The following SIK3 variants were observed in gnomAD, a reference collection of about 807,000 sequenced individuals.
SIK3 encodes the protein SIK family kinase 3, also known as serine/threonine-protein kinase SIK3.
Under a neutral mutation model 144.2 loss-of-function variants are expected in SIK3, and 28 were observed. The observed-to-expected ratio is 0.19, with a 90% confidence interval of 0.14 to 0.27. SIK3 has a LOEUF of 0.27. Among genes scored for constraint, SIK3 ranks in the 10% least tolerant of loss-of-function variants. SIK3 has a pLI of 1.00. For synonymous variants in SIK3, 686 were observed against 676.3 expected (o/e 1.01, Z -0.22); for missense variants, 1,319 against 1,776.0 (o/e 0.74, Z 4.62).
chr11:117,022,410 CATATAATTAAAAA>C (rs1459294304), intron 1 of SIK3, among the ~76,000 whole-genome samples: 2 of 151,976 alleles, frequency 1.3e-5, no homozygotes, highest in African/African-American at 4.8e-5. Flanking sequence ...GGGTAAACCC[CATATAATTAAAAA>C]AAGACAAAAA....
At chr11:116,918,907 G>C (rs1946810514) in intron 4 of SIK3, among the ~76,000 whole-genome samples, 1 of 152,170 alleles carries the variant, frequency 6.6e-6, no homozygotes, top group South Asian at 2.1e-4. Context: ...GTGCAGGAAG[G>C]TTATTTAGAG....
At chr11:116,962,224 A>G (rs1204762621) in intron 1 of SIK3, among the ~76,000 whole-genome samples, 3 of 152,220 alleles carry the variant, frequency 2.0e-5, no homozygotes, top group African/African-American at 7.2e-5. Flanking sequence ...AATGCCCTAT[A>G]GCAGATAGTA....
At chr11:116,923,873 CAGAAA>C (rs896434680) in intron 4 of SIK3, among the ~76,000 whole-genome samples, 3 of 152,202 alleles carry the variant, frequency 2.0e-5, no homozygotes, top group Admixed American at 1.3e-4. Context: ...ACAACAACAA[CAGAAA>C]AGTCTTTAAA....
chr11:116,850,415 A>G (rs1339924620), intron 21 of SIK3, among the ~76,000 whole-genome samples: 2 of 152,298 alleles, frequency 1.3e-5, no homozygotes, highest in South Asian at 4.1e-4. Flanking sequence ...CAAATAACTG[A>G]TTCTTCTGCC....
At chr11:117,082,345 T>C (rs976413450) in intron 1 of SIK3, among the ~76,000 whole-genome samples, 4 of 148,348 alleles carry the variant, frequency 2.7e-5, no homozygotes, top group Admixed American at 2.7e-4. Flanking sequence ...TTCAAGACCA[T>C]ATTATTCATA....
chr11:117,030,022 G>A (rs986534742), intron 1 of SIK3, among the ~76,000 whole-genome samples: 2 of 152,028 alleles, frequency 1.3e-5, no homozygotes, highest in South Asian at 2.1e-4. Context: ...GGAGTAAAGA[G>A]AAACAATTTT....
rs1312203288 is a variant in SIK3 at position 116,849,801 on chromosome 11, T to C, written c.3656-518A>G. ...GCAAGTACTCTCCACATTTTTGTCC[T>C]TGACCTTCTCTCTCCCCACACTTAC... is the stretch of plus-strand genomic sequence containing the variant. On this transcript the variant is annotated intron_variant, in intron 21 of 24. Transcript: ENST00000445177. This position sits in a 1 kb window ranked among gnomAD's most constrained non-coding sequence, Gnocchi z 4.2. Among the ~76,000 whole-genome samples, 2 of 152,158 alleles carry C rather than the reference T, an allele frequency of 1.3e-5. No individual in the cohort carries two copies. Among genetic ancestry groups the C allele is most frequent in the East Asian group, 3.8e-4 (2 of 5,198 alleles).
chr11:116,898,107 A>G (rs903096360), intron 4 of SIK3, among the ~76,000 whole-genome samples: 1 of 151,738 alleles, frequency 6.6e-6, no homozygotes, highest in Non-Finnish European at 1.5e-5. Context: ...TATATCTCCC[A>G]ATGCTATCCC....
intron 3 of SIK3, among the ~76,000 whole-genome samples, chr11:116,930,208 G>A (rs1054018436): frequency 2.0e-5 from 3 of 151,840 alleles, no homozygotes; most frequent in Admixed American, 1.3e-4. Context: ...TGGCTCAATC[G>A]CATTCAGACC....
At chr11:116,886,307 C>G (rs1490887586) in intron 6 of SIK3, among the ~76,000 whole-genome samples, 2 of 152,206 alleles carry the variant, frequency 1.3e-5, no homozygotes, top group Non-Finnish European at 2.9e-5. Context: ...TTTGAGGACT[C>G]TGAGCCCCTC....
chr11:116,910,033 T>C (rs982239043), intron 4 of SIK3, among the ~76,000 whole-genome samples: 6 of 152,200 alleles, frequency 3.9e-5, no homozygotes, highest in Non-Finnish European at 8.8e-5. Flanking sequence ...GGTATAATCA[T>C]TAATGCTAAA....
intron 1 of SIK3, among the ~76,000 whole-genome samples, chr11:117,088,531 C>T (rs1955111869): frequency 6.6e-6 from 1 of 152,132 alleles, no homozygotes; most frequent in African/African-American, 2.4e-5. Flanking sequence ...TATTCATGTA[C>T]TCAATGAATA....
chr11:117,028,879 C>T (rs1712892156), intron 1 of SIK3, among the ~76,000 whole-genome samples: 1 of 152,032 alleles, frequency 6.6e-6, no homozygotes, highest in South Asian at 2.1e-4. Context: ...ATTAAAATGA[C>T]AAACTGGGCC....
rs529780025 is a variant in SIK3 at position 116,934,794 on chromosome 11, C to T, written c.455-7414G>A. Among the ~76,000 whole-genome samples, 247 of 152,086 alleles carry T rather than the reference C, an allele frequency of 1.6e-3. 7 individuals are homozygous for T. Among genetic ancestry groups the T allele is most frequent in the Admixed American group, 0.016 (246 of 15,266 alleles). On this transcript the variant is annotated intron_variant, in intron 3 of 24. Coordinates refer to ENST00000445177, the MANE Select transcript of SIK3 (RefSeq NM_001366686.3). ...ACAAAAAATTTAAAAATCAGCCAGG[C>T]ATAGGCCGGGCGCGGTGGCTCACCT...
intron 1 of SIK3, among the ~76,000 whole-genome samples, chr11:117,019,124 A>G (rs1951660305): frequency 6.6e-6 from 1 of 151,866 alleles, no homozygotes; most frequent in African/African-American, 2.4e-5. Flanking sequence ...GGTTCTAGCA[A>G]TTCTCCTGCC....
In SIK3 at chr11:116,844,598, T is replaced by A. The variant is rs1404954856; in HGVS notation, c.*1045A>T. The A allele has an allele frequency of 1.2e-5, 1 of 83,218 alleles. No individual in the cohort carries two copies. The highest frequency in any genetic ancestry group is 2.4e-5 in the Non-Finnish European group (1 of 42,060). The allele number at this position is 83,218 out of a possible 1,614,324, so 5.2% of individuals were successfully genotyped here. A position where few individuals can be genotyped will look rare whatever the true frequency, so the allele number is the denominator to read the frequency against. Reference sequence around the variant, plus strand: ...GAGGAGAGCATATATATATATATTTTATATATATATTATATATATAATATA... The same window carrying A: ...GAGGAGAGCATATATATATATATTTAATATATATATTATATATATAATATA... On this transcript the variant is annotated 3_prime_UTR_variant, in exon 25 of 25. Transcript: ENST00000445177.
Position 116,868,025 on chromosome 11 carries a change from G to A in SIK3, c.1873C>T (p.Pro625Ser). 6.4e-7 allele frequency: 1 copy of A among 1,550,664 alleles called. No individual in the cohort carries two copies. The highest frequency in any genetic ancestry group is 8.7e-7 in the Non-Finnish European group (1 of 1,147,004). Residue 625 changes from proline (P) to serine (S), a missense_variant, in exon 15 of 25, where the codon CCG (proline) becomes TCG (serine). By Grantham distance (74) the Pro-to-Ser change is moderately conservative (BLOSUM62 -1). Transcript: ENST00000445177. ...TGTCCTAGCTGCCGTTGTAGGTCCG[G>A]TGGGATCTCAGCTGTAGGGTTGGTC... ...AMTNPTAEIPPDLQRQLGQQP... is the reference protein window; with the variant it reads ...AMTNPTAEIPSDLQRQLGQQP...
chr11:116,972,542 A>T (rs73594107), intron 1 of SIK3, among the ~76,000 whole-genome samples: 3,036 of 152,244 alleles, frequency 0.02, 107 homozygotes, highest in African/African-American at 0.069. Flanking sequence ...TTTTAAAAGT[A>T]AAGTTTATTC....
At chr11:117,076,578 G>A (rs1173783276) in intron 1 of SIK3, among the ~76,000 whole-genome samples, 1 of 151,676 alleles carries the variant, frequency 6.6e-6, no homozygotes, top group African/African-American at 2.4e-5. Context: ...CCAGGCTGCA[G>A]TGCAGTGGCG....
Sources: allele counts gnomAD v4.1 joint callset (sites outside exome capture counted in the v4.1 genomes callset), GRCh38; gene constraint gnomAD v4.1.1; non-coding constraint Gnocchi (gnomAD v3.1); transcripts MANE v1.5; gene names NCBI Gene and HGNC (gene_info 2026-07-23, HGNC 2026-07-21).